The following INTS11 variants were observed in gnomAD, a reference collection of about 807,000 sequenced individuals.
INTS11 encodes the protein integrator complex subunit 11, also known as CPSF3-like protein.
Under a neutral mutation model 78.6 loss-of-function variants are expected in INTS11, and 77 were observed. The observed-to-expected ratio is 0.98, with a 90% CI of 0.81 to 1.18. INTS11 has a LOEUF of 1.18. Ranked by LOEUF, INTS11 falls within the 50% of genes most tolerant of loss-of-function variation. The pLI is 0.00. For synonymous variants in INTS11, 441 were observed against 326.9 expected (o/e 1.35, Z -3.77); for missense variants, 875 against 825.9 (o/e 1.06, Z -0.73).
At chr1:1,320,886 A>C (rs1352414811) in intron 2 of INTS11, 110 bp downstream of exon 2, 1 of 1,019,062 alleles carries the variant, frequency 9.8e-7, no homozygotes, top group Non-Finnish European at 1.6e-6. Flanking sequence ...GCAGCCATCC[A>C]AGCACAACCA....
At chr1:1,317,643 C>T (rs1642697313) in intron 4 of INTS11, 1 of 153,818 alleles carries the variant, frequency 6.5e-6, no homozygotes, top group Admixed American at 6.6e-5. Context: ...ATCCAAGAGG[C>T]CTCAAACTCT....
At chr1:1,312,198 T>TGGGGGGGGGGA in intron 15 of INTS11, 28 bp downstream of exon 15, 1 of 1,078,598 alleles carries the variant, frequency 9.3e-7, no homozygotes, top group South Asian at 1.5e-5. Context: ...CCCAAGGGAG[T>TGGGGGGGGGGA]GGGGGGGGGG....
chr1:1,321,796 C>G (rs1356917078), intron 1 of INTS11: 3 of 741,282 alleles, frequency 4.0e-6, no homozygotes, highest in South Asian at 8.4e-5. Context: ...GCACACTCAG[C>G]CCCCTCATGT....
At position 1,312,213 on chromosome 1, in the gene INTS11, G is replaced by GCCGGGCGCCCCCCCCCCCCC; in HGVS notation, c.1607+12_1607+13insGGGGGGGGGGGGGCGCCCGG. ...CCCAAGGGAGTGGGGGGGGGGCGGG[G>GCCGGGCGCCCCCCCCCCCCC]CCGGGCGCCCACCTCTTGAGGTGGC... is the stretch of plus-strand genomic sequence containing the variant. On this transcript the variant is annotated intron_variant, in intron 15 of 16. Transcript: ENST00000435064. The GCCGGGCGCCCCCCCCCCCCC allele has an allele frequency of 6.4e-6, 6 of 934,498 alleles. No individual in the cohort carries two copies. In the East Asian group the frequency reaches 8.8e-5, roughly 14 times the overall value. The allele number at this position is 934,498 out of a possible 1,614,324, so 57.9% of individuals were successfully genotyped here.
chr1:1,318,488 C>T (rs371105539), intron 4 of INTS11: 2 of 164,432 alleles, frequency 1.2e-5, no homozygotes, highest in African/African-American at 4.8e-5. Context: ...ATACCCATCT[C>T]TACAAAAAAT....
chr1:1,319,907 C>A (rs10449892), intron 3 of INTS11: 1 of 225,256 alleles, frequency 4.4e-6, no homozygotes, highest in East Asian at 1.2e-4. Context: ...CAGGAAGGCA[C>A]TGGGGACCCC....
chr1:1,312,026 T>C lies in INTS11; in HGVS notation c.1729A>G (p.Thr577Ala). 6.3e-7 allele frequency: 1 copy of C among 1,578,100 alleles called. No homozygotes were observed. The highest frequency in any genetic ancestry group is 8.6e-7 in the Non-Finnish European group (1 of 1,161,896). ...TGGGGGTCACCCCTTACCTGGTAGG[T>C]CCAGGAGACCAGCAGCACCTTGGTG... The part of the protein sequence containing the change: ...PGTKVLLVSW[T>A]YQDEELGSFL... The change falls in exon 16 of 17, where the codon ACC (threonine) becomes GCC (alanine). Residue 577 changes from threonine to alanine, a missense_variant. By Grantham distance (58) the Thr-to-Ala change is moderately conservative. Coordinates refer to ENST00000435064, the MANE Select transcript of INTS11 (RefSeq NM_017871.6).
Position 1,312,213 on chromosome 1 carries a change from G to GGGGGCCCCCCCCC in INTS11, c.1607+12_1607+13insGGGGGGGGGCCCC. 6.4e-6 allele frequency: 6 copies of GGGGGCCCCCCCCC among 934,556 alleles called. No individual in the cohort carries two copies. Among genetic ancestry groups the GGGGGCCCCCCCCC allele is most frequent in the Non-Finnish European group, 7.9e-6 (5 of 636,614 alleles). The allele number at this position is 934,556 out of a possible 1,614,324, so 57.9% of individuals were successfully genotyped here. ...CCCAAGGGAGTGGGGGGGGGGCGGG[G>GGGGGCCCCCCCCC]CCGGGCGCCCACCTCTTGAGGTGGC... On this transcript the variant is annotated intron_variant, in intron 15 of 16. Coordinates refer to ENST00000435064, the MANE Select transcript of INTS11 (RefSeq NM_017871.6).
chr1:1,324,594 T>G lies in INTS11; in HGVS notation c.15A>C (p.Arg5Ser). 1 of 1,597,078 alleles carries G rather than the reference T, an allele frequency of 6.3e-7. No individual in the cohort carries two copies. The highest frequency in any genetic ancestry group is 8.5e-7 in the Non-Finnish European group (1 of 1,173,742). The change falls in exon 1 of 17, where the codon AGA (arginine) becomes AGC (serine). Residue 5 changes from arginine to serine, a missense_variant. Physicochemically the swap from Arg to Ser is moderately radical, Grantham distance 110. Coordinates refer to ENST00000435064, the MANE Select transcript of INTS11 (RefSeq NM_017871.6). ...GCTCCCACTCACCCAAGGGCGTGAC[T>G]CTGATCTCAGGCATCGTCTCCGCCG... MPEI[R>S]VTPLGAGQDV...
At chr1:1,317,972 TCTC>T (rs953004609) in intron 4 of INTS11, 3 of 152,096 alleles carry the variant, frequency 2.0e-5, no homozygotes, top group African/African-American at 4.8e-5. Context: ...TTCACGCCAT[TCTC>T]CTGCCTTTCA....
rs568757993 is a variant in INTS11 at position 1,311,868 on chromosome 1, G to A, written c.1794C>T (p.Ala598=). The A allele has an allele frequency of 5.8e-6, 9 of 1,558,398 alleles. No homozygotes were observed. The highest frequency in any genetic ancestry group is 2.7e-5 in the African/African-American group (2 of 73,082). ...TSLLKKGLPQ[A]PS is the part of the protein sequence containing the mutation. ...GGGTGAGTTGCCGGCCTCAGCTGGG[G>A]GCCTGGGGGAGGCCCTTCTTCAGCA... Residue 598 remains alanine (A), a synonymous_variant, in exon 17 of 17, where the codon GCC becomes GCT. Coordinates refer to ENST00000435064, the MANE Select transcript of INTS11 (RefSeq NM_017871.6).
chr1:1,313,603 C>T lies in INTS11; in HGVS notation c.958-11G>A. On this transcript the variant is annotated splice_polypyrimidine_tract_variant and intron_variant, in intron 9 of 16. Transcript: ENST00000435064. ...CGTGGCAAACACAACCTACAGGACA[C>T]ACAGGGCCAGGTGGGGGGTCAGGGC... The T allele has an allele frequency of 1.2e-6, 2 of 1,612,880 alleles. No homozygotes were observed. The highest frequency in any genetic ancestry group is 2.2e-5 in the East Asian group (1 of 44,890).
intron 4 of INTS11, chr1:1,317,644 C>T (rs115449684): frequency 0.015 from 2,290 of 153,880 alleles, 50 homozygotes; most frequent in Middle Eastern, 0.044. Context: ...TCCAAGAGGC[C>T]TCAAACTCTA....
intron 2 of INTS11, 44 bp from the exon 3 acceptor site, chr1:1,320,573 G>C: frequency 6.2e-7 from 1 of 1,600,902 alleles, no homozygotes; most frequent in African/African-American, 1.3e-5. Flanking sequence ...TGGTCTCCAG[G>C]CAGCATCTGG....
intron 1 of INTS11, 48 bp from the exon 2 acceptor site, chr1:1,321,141 G>T: frequency 6.8e-7 from 1 of 1,461,260 alleles, no homozygotes; most frequent in Non-Finnish European, 9.5e-7. Flanking sequence ...CCCGCCCCCT[G>T]TGCTGCCTCC....
Position 1,313,934 on chromosome 1 carries a change from G to A in INTS11, c.768-13C>T, listed in dbSNP as rs755918688. The A allele has an allele frequency of 2.4e-5, 39 of 1,609,384 alleles. No individual in the cohort carries two copies. The highest frequency in any genetic ancestry group is 3.3e-5 in the Admixed American group (2 of 59,916). On this transcript the variant is annotated splice_polypyrimidine_tract_variant and intron_variant, in intron 8 of 16. Transcript: ENST00000435064. ...GTTCATGCGCTCCCTGGGGACCACC[G>A]GCCCAGTCAGCACAGTGGCCACAGG...
chr1:1,315,095 G>T, intron 6 of INTS11, 133 bp from the exon 7 acceptor site: 2 of 1,132,826 alleles, frequency 1.8e-6, no homozygotes, highest in Non-Finnish European at 2.5e-6. Context: ...GAGCCAGCTG[G>T]TAAAATGCTG....
intron 1 of INTS11, among the ~76,000 whole-genome samples, chr1:1,323,867 G>A (rs936213102): frequency 3.4e-5 from 2 of 58,910 alleles, no homozygotes; most frequent in African/African-American, 1.5e-4. Flanking sequence ...AGGCAGAAGC[G>A]GGGCTGGGGG....
chr1:1,317,283 A>T (rs1256504927), intron 4 of INTS11: 1 of 155,442 alleles, frequency 6.4e-6, no homozygotes, highest in Non-Finnish European at 1.4e-5. Flanking sequence ...AATCCCAGCT[A>T]CTCGGGAGGC....
Sources: allele counts gnomAD v4.1 joint callset (sites outside exome capture counted in the v4.1 genomes callset), GRCh38; gene constraint gnomAD v4.1.1; transcripts MANE v1.5; gene names NCBI Gene and HGNC (gene_info 2026-07-23, HGNC 2026-07-21).